Variants in RABGAP1L observed in about 807,000 individuals in gnomAD.
RABGAP1L encodes the protein rab GTPase-activating protein 1-like.
RABGAP1L carries 63 observed loss-of-function variants against 137.7 expected under a neutral mutation model. The observed-to-expected ratio is 0.46, with a 90% CI of 0.37 to 0.56. The LOEUF (loss-of-function observed/expected upper bound fraction) is 0.56. RABGAP1L is among the 20% of genes least tolerant of loss of function. The pLI, the probability that RABGAP1L is intolerant of heterozygous loss-of-function variation, is 0.00. For synonymous variants in RABGAP1L, 431 were observed against 433.7 expected (o/e 0.99, Z 0.08); for missense variants, 1,095 against 1,244.0 (o/e 0.88, Z 1.80).
chr1:174,931,989 GGTTTTTTTTTTTTT>G, intron 19 of RABGAP1L, among the ~76,000 whole-genome samples: 1 of 94,164 alleles, frequency 1.1e-5, no homozygotes, highest in South Asian at 3.2e-4. Context: ...CTGCTTTTTT[GGTTTTTTTTTTTTT>G]TTTTTTTTTT....
intron 13 of RABGAP1L, among the ~76,000 whole-genome samples, chr1:174,455,614 T>A (rs556663999): frequency 3.3e-4 from 51 of 152,280 alleles, no homozygotes; most frequent in Non-Finnish European, 6.5e-4. Context: ...ATGTTCTTAA[T>A]AGAGTTCTAA....
intron 13 of RABGAP1L, among the ~76,000 whole-genome samples, chr1:174,550,881 TATATATATATATATACAC>T (rs1337949701): frequency 1.5e-3 from 106 of 70,090 alleles, no homozygotes; most frequent in South Asian, 2.1e-3. Context: ...TATATATATA[TATATATATATATATACAC>T]ACACACATAT....
At chr1:174,395,353 A>G (rs1023507441) in intron 13 of RABGAP1L, among the ~76,000 whole-genome samples, 1 of 152,206 alleles carries the variant, frequency 6.6e-6, no homozygotes, top group African/African-American at 2.4e-5. Flanking sequence ...ATTGGCTTAA[A>G]AAGATTACTA....
At chr1:174,186,225 C>G (rs1017189567) in intron 1 of RABGAP1L, among the ~76,000 whole-genome samples, 2 of 151,554 alleles carry the variant, frequency 1.3e-5, no homozygotes, top group African/African-American at 4.9e-5. Context: ...GCTTTTTGGG[C>G]GCTGATGCTC....
chr1:174,806,208 A>G (rs1689283572), intron 18 of RABGAP1L, among the ~76,000 whole-genome samples: 1 of 152,232 alleles, frequency 6.6e-6, no homozygotes, highest in South Asian at 2.1e-4. Context: ...TCGCAAGATC[A>G]TTCGTTAAGC....
intron 11 of RABGAP1L, among the ~76,000 whole-genome samples, chr1:174,341,498 C>A (rs773069776): frequency 2.6e-5 from 4 of 152,138 alleles, no homozygotes; most frequent in African/African-American, 4.8e-5. Flanking sequence ...TTCAGTTTAA[C>A]AACTTGGATG....
intron 14 of RABGAP1L, among the ~76,000 whole-genome samples, chr1:174,676,897 A>T (rs1467635074): frequency 6.6e-6 from 1 of 152,112 alleles, no homozygotes; most frequent in Non-Finnish European, 1.5e-5. Context: ...AAAATTTATG[A>T]TAGCTTAAAC....
At chr1:174,431,620 A>G (rs1652641756) in intron 13 of RABGAP1L, among the ~76,000 whole-genome samples, 1 of 152,190 alleles carries the variant, frequency 6.6e-6, no homozygotes, top group Non-Finnish European at 1.5e-5. Context: ...GAAAATAAGG[A>G]CAGCAAATTA....
chr1:174,564,558 G>C (rs184461761), intron 13 of RABGAP1L, among the ~76,000 whole-genome samples: 3 of 152,206 alleles, frequency 2.0e-5, no homozygotes, highest in Admixed American at 2.0e-4. Context: ...GGTTAAACTT[G>C]ACTGTGTCTG....
chr1:174,684,109 GT>G (rs1468358143), intron 15 of RABGAP1L, among the ~76,000 whole-genome samples: 3 of 152,154 alleles, frequency 2.0e-5, no homozygotes, highest in Non-Finnish European at 4.4e-5. Flanking sequence ...CACAGATAAT[GT>G]AGGCATGAAC....
At chr1:174,356,400 G>GAA (rs373868886) in intron 11 of RABGAP1L, among the ~76,000 whole-genome samples, 2 of 151,488 alleles carry the variant, frequency 1.3e-5, no homozygotes, top group Non-Finnish European at 3.0e-5. Flanking sequence ...GTTAAAAAAA[G>GAA]AAAAAAAATG....
At chr1:174,646,035 G>T (rs1674942572) in intron 14 of RABGAP1L, among the ~76,000 whole-genome samples, 2 of 151,914 alleles carry the variant, frequency 1.3e-5, no homozygotes, top group South Asian at 4.2e-4. Flanking sequence ...CATATCCTTT[G>T]CCCACTTTTT....
chr1:174,805,360 A>AG (rs955429106), intron 18 of RABGAP1L, among the ~76,000 whole-genome samples: 2 of 152,256 alleles, frequency 1.3e-5, no homozygotes, highest in African/African-American at 4.8e-5. Flanking sequence ...ATGCAAATGA[A>AG]GAAAGAAGTA....
chr1:174,589,841 G>T (rs1018699555), intron 13 of RABGAP1L, among the ~76,000 whole-genome samples: 2 of 152,042 alleles, frequency 1.3e-5, no homozygotes, highest in Admixed American at 1.3e-4. Flanking sequence ...TGCCAGTCCC[G>T]TGCTGTTTTG....
intron 18 of RABGAP1L, among the ~76,000 whole-genome samples, chr1:174,781,782 TA>T (rs1687032419): frequency 6.6e-6 from 1 of 152,228 alleles, no homozygotes; most frequent in Non-Finnish European, 1.5e-5. Flanking sequence ...GGTTTCTACA[TA>T]TGGCTAGCCA....
chr1:174,795,240 G>A (rs537967192), intron 18 of RABGAP1L, among the ~76,000 whole-genome samples: 4 of 152,206 alleles, frequency 2.6e-5, no homozygotes, highest in African/African-American at 4.8e-5. Flanking sequence ...AGGTAAAGGC[G>A]ATTAAGGAAA....
At chr1:174,313,566 T>C (rs1026658083) in intron 11 of RABGAP1L, among the ~76,000 whole-genome samples, 2 of 152,180 alleles carry the variant, frequency 1.3e-5, no homozygotes, top group African/African-American at 4.8e-5. Flanking sequence ...ACAGTGGTGA[T>C]AGTGGGCATC....
chr1:174,969,993 A>G (rs1441439582), intron 21 of RABGAP1L, among the ~76,000 whole-genome samples: 1 of 152,240 alleles, frequency 6.6e-6, no homozygotes, highest in Non-Finnish European at 1.5e-5. Context: ...TGTTCATTAA[A>G]TGTTAGATGT....
intron 13 of RABGAP1L, among the ~76,000 whole-genome samples, chr1:174,494,490 T>A (rs1398567344): frequency 1.3e-5 from 2 of 152,178 alleles, no homozygotes; most frequent in Admixed American, 6.5e-5. Context: ...CCATGTGAAA[T>A]GAAATTATTT....
Sources: allele counts gnomAD v4.1 joint callset (sites outside exome capture counted in the v4.1 genomes callset), GRCh38; gene constraint gnomAD v4.1.1; transcripts MANE v1.5; gene names NCBI Gene and HGNC (gene_info 2026-07-23, HGNC 2026-07-21).